TGFA: variants seen among roughly 807,000 people sequenced by gnomAD.
TGFA encodes transforming growth factor alpha.
Under a neutral mutation model 21.7 loss-of-function variants are expected in TGFA, and 12 were observed. That is an observed-to-expected ratio of 0.55 (90% confidence interval 0.35 to 0.90). The LOEUF (loss-of-function observed/expected upper bound fraction) is 0.90, where lower values mean the gene tolerates loss of function less well. Among genes scored for constraint, TGFA ranks in the 40% least tolerant of loss-of-function variants. The probability of loss-of-function intolerance (pLI) is 0.01; values close to 1 mark genes in which losing one functional copy is unlikely to be tolerated. For missense variants in TGFA, 178 were observed against 210.8 expected, an observed-to-expected ratio of 0.84 and a Z score of 0.96; for synonymous variants, 79 against 88.1, an observed-to-expected ratio of 0.90 and a Z score of 0.58.
chr2:70,453,190 G>A (rs1553489928), intron 5 of TGFA, 28 bp downstream of exon 5: 2 of 1,594,164 alleles, frequency 1.3e-6, no homozygotes, highest in African/African-American at 1.3e-5. Flanking sequence ...ACCCAATAGT[G>A]TCTCCCACCA....
chr2:70,519,660 C>A lies in TGFA; in HGVS notation c.41-4748G>T, dbSNP rs1672389968. On this transcript the variant is annotated intron_variant, in intron 1 of 5. Coordinates refer to ENST00000295400, the MANE Select transcript of TGFA (RefSeq NM_003236.4). The stretch of plus-strand genomic sequence containing the variant: ...ATCTCCATTGGACAGCAGCAAGTTC[C>A]AACTAGAAAAATCTCGGGAAATACT... Among the ~76,000 whole-genome samples the A allele has an allele frequency of 2.6e-5, 4 of 152,318 alleles. No homozygotes were observed. The South Asian group carries it at 6.2e-4, about 24-fold the overall frequency.
intron 2 of TGFA, among the ~76,000 whole-genome samples, chr2:70,498,885 A>T (rs1393144689): frequency 2.0e-5 from 3 of 151,972 alleles, no homozygotes; most frequent in African/African-American, 7.2e-5. Context: ...TTTTTCCCCT[A>T]CACTTGTGGT....
At chr2:70,465,757 G>C in intron 2 of TGFA, 21 bp from the exon 3 acceptor site, 1 of 1,613,156 alleles carries the variant, frequency 6.2e-7, no homozygotes, top group African/African-American at 1.3e-5. Flanking sequence ...GAAAGATGCA[G>C]GGCTCAGATC....
At chr2:70,519,594 T>C (rs455125) in intron 1 of TGFA, among the ~76,000 whole-genome samples, 44,089 of 152,002 alleles carry the variant, frequency 0.29, 8,219 homozygotes, top group African/African-American at 0.53. Context: ...GGACTATCCA[T>C]AAACTCATTG....
chr2:70,463,274 G>A (rs1204212703), intron 3 of TGFA, among the ~76,000 whole-genome samples: 1 of 152,132 alleles, frequency 6.6e-6, no homozygotes, highest in Non-Finnish European at 1.5e-5. Context: ...CATGAACTAA[G>A]CTTTTATTGA....
At chr2:70,509,726 C>T (rs1010791024) in intron 2 of TGFA, among the ~76,000 whole-genome samples, 54 of 152,280 alleles carry the variant, frequency 3.5e-4, no homozygotes, top group African/African-American at 1.1e-3. Context: ...GGCTGGTTCC[C>T]GGGCGCCTGA....
intron 4 of TGFA, among the ~76,000 whole-genome samples, chr2:70,453,635 G>A (rs782405987): frequency 5.3e-5 from 8 of 152,182 alleles, no homozygotes; most frequent in African/African-American, 1.9e-4. Context: ...TCCTCCACTC[G>A]GCTTTCTTGA....
At chr2:70,498,073 T>A (rs1359352597) in intron 2 of TGFA, among the ~76,000 whole-genome samples, 1 of 152,226 alleles carries the variant, frequency 6.6e-6, no homozygotes, top group East Asian at 1.9e-4. Context: ...AACAGTAGCA[T>A]TCCAAGAGCT....
intron 1 of TGFA, among the ~76,000 whole-genome samples, chr2:70,521,957 A>G (rs889167473): frequency 3.9e-5 from 6 of 152,218 alleles, no homozygotes; most frequent in African/African-American, 1.2e-4. Context: ...TCAAGTCGGC[A>G]TATCCCATCC....
chr2:70,455,343 AGTTT>A (rs1453453845), intron 4 of TGFA, among the ~76,000 whole-genome samples: 5 of 152,180 alleles, frequency 3.3e-5, no homozygotes, highest in African/African-American at 7.2e-5. Flanking sequence ...CCAAAGGGAC[AGTTT>A]GTTTATCTGT....
intron 2 of TGFA, among the ~76,000 whole-genome samples, chr2:70,466,478 G>A (rs1670566709): frequency 6.6e-6 from 1 of 152,116 alleles, no homozygotes; most frequent in Non-Finnish European, 1.5e-5. Context: ...ACTGCACTCT[G>A]CACTCCAGCC....
At chr2:70,521,269 G>A (rs782633266) in intron 1 of TGFA, among the ~76,000 whole-genome samples, 1 of 151,968 alleles carries the variant, frequency 6.6e-6, no homozygotes, top group Non-Finnish European at 1.5e-5. Context: ...CCTAGACCTC[G>A]TTTCCACCTA....
chr2:70,514,965 G>T, intron 1 of TGFA, 53 bp from the exon 2 acceptor site: 1 of 1,559,534 alleles, frequency 6.4e-7, no homozygotes, highest in Non-Finnish European at 8.8e-7. Flanking sequence ...GGCAAATGAT[G>T]TCCTCAGACG....
intron 2 of TGFA, among the ~76,000 whole-genome samples, chr2:70,481,177 G>A (rs1456571793): frequency 6.6e-6 from 1 of 152,164 alleles, no homozygotes; most frequent in Non-Finnish European, 1.5e-5. Flanking sequence ...AAATATCAAA[G>A]AGTTGGAGGT....
At chr2:70,529,673 G>A (rs572251730) in intron 1 of TGFA, among the ~76,000 whole-genome samples, 6 of 152,196 alleles carry the variant, frequency 3.9e-5, no homozygotes, top group Admixed American at 2.6e-4. Context: ...AGAGATGCTG[G>A]GGCAGACGCC....
intron 5 of TGFA, among the ~76,000 whole-genome samples, chr2:70,452,627 C>T (rs4852595): frequency 0.15 from 22,430 of 152,094 alleles, 1,930 homozygotes; most frequent in Admixed American, 0.27. Context: ...CTCCAATTTG[C>T]ACATCTTTTT....
At chr2:70,493,662 T>C (rs1276896679) in intron 2 of TGFA, among the ~76,000 whole-genome samples, 1 of 152,214 alleles carries the variant, frequency 6.6e-6, no homozygotes, top group Non-Finnish European at 1.5e-5. Context: ...AACTAAAATC[T>C]ACTCGGCAGC....
intron 2 of TGFA, among the ~76,000 whole-genome samples, chr2:70,478,045 A>G (rs1247468740): frequency 1.3e-5 from 2 of 151,904 alleles, no homozygotes; most frequent in African/African-American, 4.8e-5. Flanking sequence ...TCTGAAGTCA[A>G]TCTGGCCCTG....
At chr2:70,534,951 C>T (rs548121237) in intron 1 of TGFA, among the ~76,000 whole-genome samples, 156 of 152,124 alleles carry the variant, frequency 1.0e-3, no homozygotes, top group African/African-American at 3.6e-3. Context: ...GGATGGCAGG[C>T]AAGGGTCCTG....
Sources: gnomAD v4.1 joint callset for allele counts (sites outside exome capture counted in the v4.1 genomes callset) on GRCh38, gnomAD v4.1.1 for gene constraint, MANE v1.5 for transcripts, NCBI Gene and HGNC (gene_info 2026-07-23, HGNC 2026-07-21) for gene names.